Variants in IQGAP2 observed in about 807,000 individuals in gnomAD.
IQGAP2 encodes the protein IQ motif containing GTPase activating protein 2.
Under a neutral mutation model 201.3 loss-of-function variants are expected in IQGAP2, and 173 were observed. That is an observed-to-expected ratio of 0.86 (90% CI 0.76 to 0.98). The LOEUF (loss-of-function observed/expected upper bound fraction) is 0.98. Among genes scored for constraint, IQGAP2 ranks in the 50% least tolerant of loss-of-function variants. IQGAP2 has a pLI of 0.00. For missense variants in IQGAP2, 1,687 were observed against 1,864.8 expected (o/e 0.90, Z 1.76); for synonymous variants, 675 against 673.9 (o/e 1.00, Z -0.03).
At position 76,580,841 on chromosome 5, in the gene IQGAP2, C is replaced by T. The variant is rs753748000; in HGVS notation, c.458+5072C>T. On this transcript the variant is annotated intron_variant, in intron 5 of 35. Coordinates refer to ENST00000274364, the MANE Select transcript of IQGAP2 (RefSeq NM_006633.5). The stretch of plus-strand genomic sequence containing the variant: ...CTTTGAGATGTGGAACCACCACTCT[C>T]TAGGGATTCCTCTTAAAAGTCATGT... Among the ~76,000 whole-genome samples the T allele has an allele frequency of 3.9e-5, 6 of 152,172 alleles. 1 individual carries two copies. Among genetic ancestry groups the T allele is most frequent in the Admixed American group, 3.9e-4 (6 of 15,276 alleles).
intron 1 of IQGAP2, among the ~76,000 whole-genome samples, chr5:76,442,301 C>G (rs965841782): frequency 6.6e-6 from 1 of 152,166 alleles, no homozygotes; most frequent in Non-Finnish European, 1.5e-5. Flanking sequence ...TGATTTATTA[C>G]AAGAAGCTTT....
At chr5:76,618,580 C>A in intron 13 of IQGAP2, 1 of 1,614,036 alleles carries the variant, frequency 6.2e-7, no homozygotes, top group Non-Finnish European at 8.5e-7. Context: ...TTTGGGGGAG[C>A]TCCACGAAAG....
chr5:76,462,049 G>T (rs929439641), intron 2 of IQGAP2, among the ~76,000 whole-genome samples: 3 of 152,234 alleles, frequency 2.0e-5, no homozygotes, highest in Admixed American at 1.3e-4. Context: ...TTGAGAAAAA[G>T]TTGATGCCAC....
chr5:76,464,929 G>T (rs1427083419), intron 2 of IQGAP2, among the ~76,000 whole-genome samples: 1 of 152,148 alleles, frequency 6.6e-6, no homozygotes, highest in Non-Finnish European at 1.5e-5. Flanking sequence ...TGAAGAGCCT[G>T]ACTTAGAAAT....
At chr5:76,492,566 A>G (rs965061500) in intron 2 of IQGAP2, among the ~76,000 whole-genome samples, 2 of 152,230 alleles carry the variant, frequency 1.3e-5, no homozygotes, top group African/African-American at 4.8e-5. Context: ...GAAGAAAGGA[A>G]TCCCAGAAGC....
At chr5:76,609,372 G>A in intron 12 of IQGAP2, 1 of 728,498 alleles carries the variant, frequency 1.4e-6, no homozygotes, top group Non-Finnish European at 2.2e-6. Context: ...TTCTGTCAAT[G>A]TTTACAGATA....
At chr5:76,599,312 TC>T (rs1002485348) in intron 10 of IQGAP2, among the ~76,000 whole-genome samples, 2 of 152,188 alleles carry the variant, frequency 1.3e-5, no homozygotes, top group African/African-American at 4.8e-5. Flanking sequence ...TTAATTTCAT[TC>T]AGGTTCTCTC....
At chr5:76,618,047 T>C (rs762277412) in intron 13 of IQGAP2, 7 of 1,614,128 alleles carry the variant, frequency 4.3e-6, no homozygotes, top group South Asian at 2.2e-5. Context: ...ATAAGAAAAC[T>C]GTTGCCCACA....
chr5:76,440,786 C>A (rs897917029), intron 1 of IQGAP2, among the ~76,000 whole-genome samples: 1 of 151,852 alleles, frequency 6.6e-6, no homozygotes, highest in Non-Finnish European at 1.5e-5. Flanking sequence ...GTAATCCCAG[C>A]ACTATGGGAG....
At chr5:76,681,844 G>A (rs1458195497) in intron 28 of IQGAP2, among the ~76,000 whole-genome samples, 1 of 152,128 alleles carries the variant, frequency 6.6e-6, no homozygotes, top group African/African-American at 2.4e-5. Flanking sequence ...TCTATCACTA[G>A]ATGAATGGAT....
chr5:76,623,057 C>A, intron 13 of IQGAP2: 1 of 933,432 alleles, frequency 1.1e-6, no homozygotes, highest in Non-Finnish European at 1.7e-6. Context: ...GATCAAACTG[C>A]CTTTGGGGTT....
At chr5:76,492,923 C>A (rs915194360) in intron 2 of IQGAP2, among the ~76,000 whole-genome samples, 2 of 152,104 alleles carry the variant, frequency 1.3e-5, no homozygotes, top group African/African-American at 4.8e-5. Flanking sequence ...AAGGAAAATC[C>A]ATAGGAGGTG....
intron 2 of IQGAP2, among the ~76,000 whole-genome samples, chr5:76,538,281 G>T (rs189226729): frequency 6.6e-6 from 1 of 152,154 alleles, no homozygotes; most frequent in Admixed American, 6.5e-5. Context: ...CCACTGGGTC[G>T]CTCCCACGAC....
chr5:76,430,875 A>G (rs1166470041), intron 1 of IQGAP2, among the ~76,000 whole-genome samples: 2 of 152,216 alleles, frequency 1.3e-5, no homozygotes, highest in African/African-American at 4.8e-5. Context: ...ATTCAAGTTA[A>G]CCTAAATGCC....
intron 13 of IQGAP2, among the ~76,000 whole-genome samples, chr5:76,615,090 C>T (rs2150349742): frequency 6.6e-6 from 1 of 152,274 alleles, no homozygotes; most frequent in Non-Finnish European, 1.5e-5. Context: ...GTCATGTTGA[C>T]TTTAACACTT....
intron 22 of IQGAP2, among the ~76,000 whole-genome samples, chr5:76,666,712 G>A (rs1743788097): frequency 6.6e-6 from 1 of 152,158 alleles, no homozygotes; most frequent in Non-Finnish European, 1.5e-5. Context: ...CAAATGGCCT[G>A]GATTCCTTCG....
intron 6 of IQGAP2, 136 bp downstream of exon 6, chr5:76,589,109 C>G (rs571945852): frequency 8.3e-5 from 35 of 420,912 alleles, no homozygotes; most frequent in Non-Finnish European, 1.3e-4. Flanking sequence ...GTCAGGAGAT[C>G]GAGACCATCC....
In IQGAP2 at chr5:76,420,624, C is replaced by G. The variant is rs766311940; in HGVS notation, c.46+17033C>G. 3.7e-4 allele frequency among the ~76,000 whole-genome samples: 56 copies of G among 152,322 alleles called. 1 individual carries two copies. The highest frequency in any genetic ancestry group is 3.4e-3 in the Middle Eastern group (1 of 294). ...ACTCTTGACCTTGTGATCCGCCCAC[C>G]TTGGCCTCCCAAAGGGCTGGGATTA... On this transcript the variant is annotated intron_variant, in intron 1 of 35. Transcript: ENST00000274364.
Position 76,658,657 on chromosome 5 carries a change from T to A in IQGAP2, c.2519T>A (p.Ile840Asn), listed in dbSNP as rs1048199084. ...ATTGGACTGCTGGTGAAGAACAGGA[T>A]CACACTAGAGGTCAGTGGGGTTTTT... is the stretch of plus-strand genomic sequence containing the variant. ...IKIGLLVKNR[I>N]TLEDVISHSK... is the part of the protein sequence containing the mutation. The change falls in exon 21 of 36, where the codon ATC (isoleucine) becomes AAC (asparagine). Residue 840 changes from isoleucine to asparagine, a missense_variant. Transcript: ENST00000274364. The A allele has an allele frequency of 8.1e-6, 13 of 1,613,634 alleles. No homozygotes were observed. The highest frequency in any genetic ancestry group is 1.1e-5 in the Non-Finnish European group (13 of 1,179,888).
Sources: gnomAD v4.1 joint callset for allele counts (sites outside exome capture counted in the v4.1 genomes callset) on GRCh38, gnomAD v4.1.1 for gene constraint, MANE v1.5 for transcripts, NCBI Gene and HGNC (gene_info 2026-07-23, HGNC 2026-07-21) for gene names.